GPR139: variants seen among roughly 807,000 people sequenced by gnomAD.
GPR139 encodes G protein-coupled receptor 139.
In GPR139, 12 loss-of-function variants were observed where a neutral mutation model predicts 25.8. The ratio of observed to expected loss-of-function variants is 0.47; its 90% CI spans 0.30 to 0.75. GPR139 has a LOEUF of 0.75. Ranked by LOEUF, GPR139 falls within the 30% of genes least tolerant of loss-of-function variation. GPR139 has a pLI of 0.07. For synonymous variants in GPR139, 184 were observed against 179.9 expected (o/e 1.02, Z -0.18); for missense variants, 380 against 450.2 (o/e 0.84, Z 1.41).
chr16:20,051,557 G>A (rs12924533), intron 1 of GPR139, among the ~76,000 whole-genome samples: 26,211 of 152,144 alleles, frequency 0.17, 2,837 homozygotes, highest in East Asian at 0.36. Flanking sequence ...CAGGGGCCTC[G>A]GGAAGCAATT....
Position 20,032,680 on chromosome 16 carries a change from A to G in GPR139, c.128-11T>C. 1.3e-5 allele frequency: 20 copies of G among 1,588,270 alleles called. No homozygotes were observed. The highest frequency in any genetic ancestry group is 1.7e-5 in the Non-Finnish European group (20 of 1,161,702). On this transcript the variant is annotated splice_polypyrimidine_tract_variant and intron_variant, in intron 1 of 1. Coordinates refer to ENST00000570682, the MANE Select transcript of GPR139 (RefSeq NM_001002911.4). ...CTGTCAAGATATTTGCTGTGGAGAG[A>G]AGAAAAACTGGTTTAGCTCTGAAGC...
At chr16:20,067,035 G>A (rs2057436953) in intron 1 of GPR139, among the ~76,000 whole-genome samples, 2 of 152,154 alleles carry the variant, frequency 1.3e-5, no homozygotes, top group East Asian at 1.9e-4. Context: ...GCTCAGAGAG[G>A]TGAAGTGTTA....
intron 1 of GPR139, among the ~76,000 whole-genome samples, chr16:20,051,514 C>G (rs931593975): frequency 3.3e-5 from 5 of 152,200 alleles, no homozygotes; most frequent in Admixed American, 2.6e-4. Flanking sequence ...AGGCAGGGAA[C>G]AGGCCATGCC....
intron 1 of GPR139, among the ~76,000 whole-genome samples, chr16:20,069,533 C>T (rs994976295): frequency 5.9e-5 from 9 of 152,210 alleles, no homozygotes; most frequent in Admixed American, 2.0e-4. Flanking sequence ...GCTACAGACT[C>T]ATCATCTGCC....
chr16:20,031,865 A>G lies in GPR139; in HGVS notation c.932T>C (p.Val311Ala). The G allele has an allele frequency of 1.2e-6, 2 of 1,614,146 alleles. No homozygotes were observed. Among genetic ancestry groups the G allele is most frequent in the Non-Finnish European group, 8.5e-7 (1 of 1,180,012 alleles). ...KAFFKCQKQP[V>A]QFYTNHNFSI... ...AAAGTTATGATTGGTGTAGAACTGTACAGGTTGCTTCTGGCACTTGAAGAA... is the reference window on the plus strand; with the variant it reads ...AAAGTTATGATTGGTGTAGAACTGTGCAGGTTGCTTCTGGCACTTGAAGAA... Residue 311 changes from valine to alanine, a missense_variant, in exon 2 of 2, where the codon GTA becomes GCA. By Grantham distance (64) the Val-to-Ala change is moderately conservative (BLOSUM62 0). Coordinates refer to ENST00000570682, the MANE Select transcript of GPR139 (RefSeq NM_001002911.4).
At chr16:20,034,005 CT>C (rs142128576) in intron 1 of GPR139, among the ~76,000 whole-genome samples, 2,689 of 151,818 alleles carry the variant, frequency 0.018, 73 homozygotes, top group African/African-American at 0.06. Flanking sequence ...AAAAGTCTCC[CT>C]GAATTAAGCA....
At chr16:20,046,692 G>A (rs2057355460) in intron 1 of GPR139, among the ~76,000 whole-genome samples, 1 of 152,160 alleles carries the variant, frequency 6.6e-6, no homozygotes, top group African/African-American at 2.4e-5. Context: ...ACATGCAGGG[G>A]GAGATTGAGG....
chr16:20,033,494 GGGCTGAGGT>G (rs1279890546), intron 1 of GPR139, among the ~76,000 whole-genome samples: 1 of 152,100 alleles, frequency 6.6e-6, no homozygotes, highest in Non-Finnish European at 1.5e-5. Flanking sequence ...GAAGAATATG[GGGCTGAGGT>G]GGCATTTCCT....
intron 1 of GPR139, among the ~76,000 whole-genome samples, chr16:20,046,561 A>G (rs2057354984): frequency 1.3e-5 from 2 of 152,224 alleles, no homozygotes; most frequent in Admixed American, 6.5e-5. Flanking sequence ...ACAGGGAAAG[A>G]GGCTACATGA....
chr16:20,073,659 C>A lies in GPR139; in HGVS notation c.-43G>T. 3.3e-6 allele frequency: 5 copies of A among 1,520,308 alleles called. No individual in the cohort carries two copies. The South Asian group carries it at 5.1e-5, about 15-fold the overall frequency. The allele number at this position is 1,520,308 out of a possible 1,614,324, so 94.2% of individuals were successfully genotyped here. A position where few individuals can be genotyped will look rare whatever the true frequency, so the allele number is the denominator to read the frequency against. On this transcript the variant is annotated 5_prime_UTR_variant, in exon 1 of 2. Transcript: ENST00000570682. The surrounding 1 kb of genome is among the most constrained non-coding windows in gnomAD (Gnocchi z 4.7). Reference sequence around the variant, plus strand: ...CCCTTGCCGCTTCGCGCCCGGCCTGCCAGCCCGACTCTGGTCGCCGGCTCG... The same window carrying A: ...CCCTTGCCGCTTCGCGCCCGGCCTGACAGCCCGACTCTGGTCGCCGGCTCG...
chr16:20,049,345 C>T (rs2057364453), intron 1 of GPR139, among the ~76,000 whole-genome samples: 1 of 152,084 alleles, frequency 6.6e-6, no homozygotes, highest in Non-Finnish European at 1.5e-5. Context: ...CACCCCTTTC[C>T]TCTGCTTTTT....
chr16:20,042,168 C>T (rs2057338784), intron 1 of GPR139, among the ~76,000 whole-genome samples: 1 of 152,062 alleles, frequency 6.6e-6, no homozygotes, highest in Admixed American at 6.5e-5. Flanking sequence ...AAATAGTACC[C>T]ACATAGGATA....
intron 1 of GPR139, among the ~76,000 whole-genome samples, chr16:20,035,532 A>G (rs535063105): frequency 7.2e-5 from 11 of 152,350 alleles, no homozygotes; most frequent in African/African-American, 2.4e-4. Context: ...CAAAATAGAC[A>G]TGGTCTGTTT....
chr16:20,034,377 C>T (rs949278047), intron 1 of GPR139, among the ~76,000 whole-genome samples: 2 of 152,224 alleles, frequency 1.3e-5, no homozygotes, highest in South Asian at 2.1e-4. Context: ...ATATTTACTT[C>T]AGCTCTCTTT....
At chr16:20,035,009 G>T (rs953211064) in intron 1 of GPR139, among the ~76,000 whole-genome samples, 1 of 152,134 alleles carries the variant, frequency 6.6e-6, no homozygotes, top group South Asian at 2.1e-4. Flanking sequence ...TGTATACATG[G>T]AAGTGTATTT....
Position 20,029,091 on chromosome 16 carries a change from C to A in GPR139, c.*2644G>T, listed in dbSNP as rs1380100951. Among the ~76,000 whole-genome samples, 1 of 152,138 alleles carries A rather than the reference C, an allele frequency of 6.6e-6. No individual in the cohort carries two copies. Among genetic ancestry groups the A allele is most frequent in the Non-Finnish European group, 1.5e-5 (1 of 68,032 alleles). ...GAATCAACCTAACCCAATGGGCATTCATTTGCATTTTAAGCAGAAGACAGC... is the reference window on the plus strand; with the variant it reads ...GAATCAACCTAACCCAATGGGCATTAATTTGCATTTTAAGCAGAAGACAGC... On this transcript the variant is annotated 3_prime_UTR_variant, in exon 2 of 2. Coordinates refer to ENST00000570682, the MANE Select transcript of GPR139 (RefSeq NM_001002911.4).
At chr16:20,041,132 A>G (rs1227203889) in intron 1 of GPR139, among the ~76,000 whole-genome samples, 2 of 426 alleles carry the variant, frequency 4.7e-3, no homozygotes, top group Non-Finnish European at 8.3e-3. Context: ...AAAGGAAAGG[A>G]GAGGAGAGGA....
chr16:20,049,037 A>G (rs775716542), intron 1 of GPR139, among the ~76,000 whole-genome samples: 2 of 151,910 alleles, frequency 1.3e-5, no homozygotes, highest in Non-Finnish European at 2.9e-5. Context: ...TAAGCACCTC[A>G]CTGGCCAGAG....
rs139960825 is a variant in GPR139 at position 20,062,353 on chromosome 16, G to A, written c.127+11137C>T. Among the ~76,000 whole-genome samples the A allele has an allele frequency of 1.4e-4, 21 of 152,314 alleles. No homozygotes were observed. In the East Asian group the frequency reaches 3.3e-3, roughly 24 times the overall value. On this transcript the variant is annotated intron_variant, in intron 1 of 1. Coordinates refer to ENST00000570682, the MANE Select transcript of GPR139 (RefSeq NM_001002911.4). ...AGGGCTGTCTTCCTCTCTTTCTCCC[G>A]TGAGAGGATACAACAAGTCAGGAAT...
Sources: allele counts gnomAD v4.1 joint callset (sites outside exome capture counted in the v4.1 genomes callset), GRCh38; gene constraint gnomAD v4.1.1; non-coding constraint Gnocchi (gnomAD v3.1); transcripts MANE v1.5; gene names NCBI Gene and HGNC (gene_info 2026-07-23, HGNC 2026-07-21).